APRT: variants seen among roughly 807,000 people sequenced by gnomAD.
APRT encodes the protein adenine phosphoribosyltransferase.
A neutral mutation model predicts 21.0 loss-of-function variants in APRT; 25 were observed. The observed-to-expected ratio is 1.19, with a 90% CI of 0.87 to 1.66. The LOEUF (loss-of-function observed/expected upper bound fraction) is 1.66. Ranked by LOEUF, APRT falls within the 40% of genes most tolerant of loss-of-function variation. The pLI is 0.00. For synonymous variants in APRT, 153 were observed against 109.0 expected (o/e 1.40, Z -2.52); for missense variants, 294 against 232.7 (o/e 1.26, Z -1.72).
rs764307769 is a variant in APRT at position 88,811,590 on chromosome 16, G to C, written c.147C>G (p.His49Gln). 6.2e-7 allele frequency: 1 copy of C among 1,603,886 alleles called. No homozygotes were observed. The highest frequency in any genetic ancestry group is 2.2e-5 in the East Asian group (1 of 44,482). Reference sequence around the variant, plus strand: ...TGCGGCCCCCGTGGGTCGCCTTCAGGTGTCGCGCCAGGAGGCCGATGGCGG... The same window carrying C: ...TGCGGCCCCCGTGGGTCGCCTTCAGCTGTCGCGCCAGGAGGCCGATGGCGG... ...FRAAIGLLAR[H>Q]LKATHGGRID... is the part of the protein sequence containing the mutation. The change falls in exon 2 of 5, where the codon CAC (histidine) becomes CAG (glutamine). Residue 49 changes from histidine to glutamine, a missense_variant. Transcript: ENST00000378364.
At position 88,809,503 on chromosome 16, in the gene APRT, T is replaced by C. The variant is rs1909019356; in HGVS notation, c.*195A>G. 2 of 843,556 alleles carry C rather than the reference T, an allele frequency of 2.4e-6. No individual in the cohort carries two copies. Among genetic ancestry groups the C allele is most frequent in the Admixed American group, 4.0e-5 (2 of 49,870 alleles). 52.3% of individuals were successfully genotyped at this position (843,556 alleles called of 1,614,324 possible). Reference sequence around the variant, plus strand: ...AGCTGTTTACTGCGTTCTCCCGCTGTGTGTAATTGGGTTCAGTGTGGCTGA... The same window carrying C: ...AGCTGTTTACTGCGTTCTCCCGCTGCGTGTAATTGGGTTCAGTGTGGCTGA... On this transcript the variant is annotated 3_prime_UTR_variant, in exon 5 of 5. Coordinates refer to ENST00000378364, the MANE Select transcript of APRT (RefSeq NM_000485.3).
chr16:88,811,497 C>G, intron 2 of APRT, 53 bp downstream of exon 2: 1 of 1,508,666 alleles, frequency 6.6e-7, no homozygotes, highest in Non-Finnish European at 9.0e-7. Context: ...CACGTGCTGC[C>G]CTCGGCGCGC....
chr16:88,810,242 C>T (rs1597509240), intron 3 of APRT, 94 bp from the exon 4 acceptor site: 1 of 1,521,266 alleles, frequency 6.6e-7, no homozygotes, highest in East Asian at 2.3e-5. Context: ...CTGACTCCAA[C>T]CCCACCTTGC....
At chr16:88,810,661 G>C in intron 2 of APRT, 105 bp from the exon 3 acceptor site, 1 of 1,400,034 alleles carries the variant, frequency 7.1e-7, no homozygotes, top group Non-Finnish European at 9.8e-7. Flanking sequence ...TGAAAGGCCA[G>C]TGACATGCAC....
intron 2 of APRT, among the ~76,000 whole-genome samples, chr16:88,811,004 G>A (rs1567505296): frequency 6.6e-6 from 1 of 152,284 alleles, no homozygotes; most frequent in Admixed American, 6.5e-5. Flanking sequence ...TGAGAAGGGA[G>A]CTCTGGCAGT....
Position 88,809,721 on chromosome 16 carries a change from A to T in APRT, c.520T>A (p.Phe174Ile). Residue 174 changes from phenylalanine (F) to isoleucine (I), a missense_variant, in exon 5 of 5, where the codon TTC (phenylalanine) becomes ATC (isoleucine). By Grantham distance (21) the Phe-to-Ile change is conservative (BLOSUM62 0). Coordinates refer to ENST00000378364, the MANE Select transcript of APRT (RefSeq NM_000485.3). The stretch of plus-strand genomic sequence containing the variant: ...GGTCACTCATACTGCAGGAGAGAGA[A>T]GAAGGGTACAGGTGCCAGCTTCTCC... ...GREKLAPVPF[F>I]SLLQYE 6.2e-7 allele frequency: 1 copy of T among 1,613,378 alleles called. No homozygotes were observed. The highest frequency in any genetic ancestry group is 8.5e-7 in the Non-Finnish European group (1 of 1,179,982).
chr16:88,811,887 C>G lies in APRT; in HGVS notation c.13G>C (p.Glu5Gln). 6.4e-7 allele frequency: 1 copy of G among 1,557,358 alleles called. No homozygotes were observed. Among genetic ancestry groups the G allele is most frequent in the Non-Finnish European group, 8.7e-7 (1 of 1,153,568 alleles). MADSELQLVEQRIRS... is the reference protein window; with the variant it reads MADSQLQLVEQRIRS... ...ATCCGCTGCTCAACCAGCTGCAGCT[C>G]GGAGTCGGCCATGGCCGCGTGCGAA... is the stretch of plus-strand genomic sequence containing the variant. Residue 5 changes from glutamate to glutamine, a missense_variant, in exon 1 of 5, where the codon GAG (glutamate) becomes CAG (glutamine). By Grantham distance (29) the Glu-to-Gln change is conservative (BLOSUM62 2). Coordinates refer to ENST00000378364, the MANE Select transcript of APRT (RefSeq NM_000485.3).
Position 88,809,844 on chromosome 16 carries a change from G to A in APRT, c.401-4C>T. 1 of 1,610,720 alleles carries A rather than the reference G, an allele frequency of 6.2e-7. No homozygotes were observed. The highest frequency in any genetic ancestry group is 8.5e-7 in the Non-Finnish European group (1 of 1,179,696). ...TCACAGGCAGCGTTCATGGTTCCTG[G>A]GGATGGGAGGGTGAGGTCCCCAGTT... On this transcript the variant is annotated splice_polypyrimidine_tract_variant and splice_region_variant and intron_variant, in intron 4 of 4. Transcript: ENST00000378364.
chr16:88,809,456 C>A lies in APRT; in HGVS notation c.*242G>T, dbSNP rs1350133737. ...CTCCCTGCCCTGGGGAACAGGAGGA[C>A]AGGAGACGGCTCTTGTGGGAAAGCT... On this transcript the variant is annotated 3_prime_UTR_variant, in exon 5 of 5. Coordinates refer to ENST00000378364, the MANE Select transcript of APRT (RefSeq NM_000485.3). 1 of 650,646 alleles carries A rather than the reference C, an allele frequency of 1.5e-6. No individual in the cohort carries two copies. Among genetic ancestry groups the A allele is most frequent in the African/African-American group, 1.8e-5 (1 of 56,024 alleles). The allele number at this position is 650,646 out of a possible 1,614,324, so 40.3% of individuals were successfully genotyped here. A position where few individuals can be genotyped will look rare whatever the true frequency, so the allele number is the denominator to read the frequency against.
rs1054292442 is a variant in APRT, at chr16:88,809,482, G to A, written c.*216C>T. ...AGGAGACGGCTCTTGTGGGAAAGCTGTTTACTGCGTTCTCCCGCTGTGTGT... is the reference window on the plus strand; with the variant it reads ...AGGAGACGGCTCTTGTGGGAAAGCTATTTACTGCGTTCTCCCGCTGTGTGT... On this transcript the variant is annotated 3_prime_UTR_variant, in exon 5 of 5. Coordinates refer to ENST00000378364, the MANE Select transcript of APRT (RefSeq NM_000485.3). 9.2e-6 allele frequency: 7 copies of A among 763,752 alleles called. No homozygotes were observed. The highest frequency in any genetic ancestry group is 2.8e-5 in the East Asian group (1 of 35,254). The allele number at this position is 763,752 out of a possible 1,614,324, so 47.3% of individuals were successfully genotyped here.
At chr16:88,811,463 TC>T (rs1425560470) in intron 2 of APRT, 86 bp downstream of exon 2, 6 of 1,381,960 alleles carry the variant, frequency 4.3e-6, no homozygotes, top group Non-Finnish European at 5.0e-6. Flanking sequence ...CCAAAGGCCC[TC>T]CCCCAAGCAG....
At chr16:88,811,384 G>C in intron 2 of APRT, 166 bp downstream of exon 2, 1 of 719,786 alleles carries the variant, frequency 1.4e-6, no homozygotes, top group East Asian at 2.8e-5. Context: ...GCGGCCTCGG[G>C]GGCTCAATCT....
At chr16:88,810,644 T>C (rs1304802916) in intron 2 of APRT, 88 bp from the exon 3 acceptor site, 1 of 1,512,550 alleles carries the variant, frequency 6.6e-7, no homozygotes, top group Non-Finnish European at 9.0e-7. Flanking sequence ...CCTGGTTGGC[T>C]CCCAGCTGAA....
At position 88,811,916 on chromosome 16, in the gene APRT, C is replaced by G. The variant is rs773547053; in HGVS notation, c.-17G>C. Reference sequence around the variant, plus strand: ...GTCGGCCATGGCCGCGTGCGAAGAGCCAGCGGCAGCCCGAGCGCGCCTGCG... The same window carrying G: ...GTCGGCCATGGCCGCGTGCGAAGAGGCAGCGGCAGCCCGAGCGCGCCTGCG... On this transcript the variant is annotated 5_prime_UTR_variant, in exon 1 of 5. Coordinates refer to ENST00000378364, the MANE Select transcript of APRT (RefSeq NM_000485.3). The G allele has an allele frequency of 6.5e-6, 10 of 1,538,816 alleles. No individual in the cohort carries two copies. The highest frequency in any genetic ancestry group is 7.9e-6 in the Non-Finnish European group (9 of 1,145,452).
chr16:88,811,512 A>G (rs1300705408), intron 2 of APRT, 38 bp downstream of exon 2: 1 of 1,540,646 alleles, frequency 6.5e-7, no homozygotes, highest in African/African-American at 1.4e-5. Context: ...GCGCGCGCAG[A>G]GGCGGAAGCG....
Position 88,809,781 on chromosome 16 carries a change from C to A in APRT, c.460G>T (p.Val154Leu). The part of the protein sequence containing the change: ...GRLQAEVLEC[V>L]SLVELTSLKG... Reference sequence around the variant, plus strand: ...AGCGAGGTCAGCTCCACCAGGCTCACGCACTCCAGGACCTCAGCCTGCAGG... The same window carrying A: ...AGCGAGGTCAGCTCCACCAGGCTCAAGCACTCCAGGACCTCAGCCTGCAGG... The change falls in exon 5 of 5, where the codon GTG (valine) becomes TTG (leucine). Residue 154 changes from valine to leucine, a missense_variant. Coordinates refer to ENST00000378364, the MANE Select transcript of APRT (RefSeq NM_000485.3). The A allele has an allele frequency of 6.2e-7, 1 of 1,613,258 alleles. No individual in the cohort carries two copies. The highest frequency in any genetic ancestry group is 8.5e-7 in the Non-Finnish European group (1 of 1,180,016).
chr16:88,811,161 T>A, intron 2 of APRT: 1 of 427,690 alleles, frequency 2.3e-6, no homozygotes, highest in Non-Finnish European at 4.2e-6. Context: ...CAGGCCTCCC[T>A]TCCCTGGGTG....
chr16:88,810,637 G>C, intron 2 of APRT, 81 bp from the exon 3 acceptor site: 5 of 1,536,948 alleles, frequency 3.3e-6, no homozygotes, highest in Non-Finnish European at 4.4e-6. Context: ...AGGGGTACCT[G>C]GTTGGCTCCC....
In APRT at chr16:88,809,448, C is replaced by G. The variant is rs1193849530; in HGVS notation, c.*250G>C. The G allele has an allele frequency of 1.6e-6, 1 of 630,372 alleles. No individual in the cohort carries two copies. The highest frequency in any genetic ancestry group is 1.8e-5 in the African/African-American group (1 of 55,550). The allele number at this position is 630,372 out of a possible 1,614,324, so 39.0% of individuals were successfully genotyped here. A position where few individuals can be genotyped will look rare whatever the true frequency, so the allele number is the denominator to read the frequency against. On this transcript the variant is annotated 3_prime_UTR_variant, in exon 5 of 5. Coordinates refer to ENST00000378364, the MANE Select transcript of APRT (RefSeq NM_000485.3). ...TCCTGGGGCTCCCTGCCCTGGGGAACAGGAGGACAGGAGACGGCTCTTGTG... is the reference window on the plus strand; with the variant it reads ...TCCTGGGGCTCCCTGCCCTGGGGAAGAGGAGGACAGGAGACGGCTCTTGTG...
Sources: allele counts gnomAD v4.1 joint callset (sites outside exome capture counted in the v4.1 genomes callset), GRCh38; gene constraint gnomAD v4.1.1; transcripts MANE v1.5; gene names NCBI Gene and HGNC (gene_info 2026-07-23, HGNC 2026-07-21).